The following TOM1 variants were observed in gnomAD, a reference collection of about 807,000 sequenced individuals.
TOM1 encodes the protein target of Myb protein 1.
Under a neutral mutation model 61.3 loss-of-function variants are expected in TOM1, and 38 were observed. The observed-to-expected ratio is 0.62, with a 90% confidence interval of 0.48 to 0.81. The LOEUF (loss-of-function observed/expected upper bound fraction) is 0.81, where lower values mean the gene tolerates loss of function less well. Ranked by LOEUF, TOM1 falls within the 40% of genes least tolerant of loss-of-function variation. TOM1 has a pLI of 0.00. For missense variants in TOM1, 591 were observed against 659.6 expected, an observed-to-expected ratio of 0.90 and a Z score of 1.14; for synonymous variants, 270 against 268.8, an observed-to-expected ratio of 1.00 and a Z score of -0.04.
rs1930604958 is a variant in TOM1, at chr22:35,347,390, T to C, written c.*181T>C. ...GGGGTGTGGAGGCAGTGGGATGAAC[T>C]GGGGGACAGGTCTGCGCTGCAGTGG... On this transcript the variant is annotated 3_prime_UTR_variant, in exon 15 of 15. Transcript: ENST00000449058. The C allele has an allele frequency of 1.7e-6, 1 of 590,278 alleles. No homozygotes were observed. Among genetic ancestry groups the C allele is most frequent in the South Asian group, 2.6e-5 (1 of 38,768 alleles). 36.6% of individuals were successfully genotyped at this position (590,278 alleles called of 1,614,324 possible).
chr22:35,305,730 G>A (rs138759), intron 1 of TOM1, among the ~76,000 whole-genome samples: 77,806 of 151,516 alleles, frequency 0.51, 22,794 homozygotes, highest in Non-Finnish European at 0.65. Flanking sequence ...CCAAGGGCAT[G>A]GTGTGTGGTT....
intron 1 of TOM1, among the ~76,000 whole-genome samples, chr22:35,307,979 G>C (rs968242304): frequency 1.3e-5 from 2 of 152,188 alleles, no homozygotes; most frequent in Non-Finnish European, 2.9e-5. Flanking sequence ...CCCGCGTAAA[G>C]CGTATTGCCC....
At chr22:35,322,108 C>A in intron 3 of TOM1, 71 bp downstream of exon 3, 1 of 1,383,478 alleles carries the variant, frequency 7.2e-7, no homozygotes, top group Non-Finnish European at 1.0e-6. Flanking sequence ...TCAGACCCAG[C>A]AGGACTCCCA....
intron 1 of TOM1, among the ~76,000 whole-genome samples, chr22:35,313,867 C>T (rs73885911): frequency 0.012 from 1,783 of 152,344 alleles, 31 homozygotes; most frequent in African/African-American, 0.041. Context: ...GGGCCCGGTT[C>T]TGTCAGGAGC....
At chr22:35,304,716 G>A (rs1385215489) in intron 1 of TOM1, among the ~76,000 whole-genome samples, 4 of 152,166 alleles carry the variant, frequency 2.6e-5, no homozygotes, top group Non-Finnish European at 5.9e-5. Flanking sequence ...CTGACCTCAT[G>A]AACCACCCAC....
intron 8 of TOM1, among the ~76,000 whole-genome samples, chr22:35,330,784 G>A (rs1387793192): frequency 2.6e-5 from 4 of 152,236 alleles, no homozygotes; most frequent in Non-Finnish European, 5.9e-5. Context: ...CTGGCCTGGT[G>A]TGTCCTCGCC....
chr22:35,322,224 G>A (rs1278465195), intron 3 of TOM1, 187 bp downstream of exon 3: 1 of 590,530 alleles, frequency 1.7e-6, no homozygotes, highest in East Asian at 2.8e-5. Flanking sequence ...ATTTGGAAAG[G>A]TTCTCCCCAA....
At chr22:35,314,149 T>C (rs2145630956) in intron 1 of TOM1, among the ~76,000 whole-genome samples, 1 of 152,360 alleles carries the variant, frequency 6.6e-6, no homozygotes, top group South Asian at 2.1e-4. Flanking sequence ...GCAATCCTGT[T>C]GTCCACACCT....
chr22:35,322,944 C>T (rs1927933442), intron 3 of TOM1, 84 bp from the exon 4 acceptor site: 15 of 1,536,190 alleles, frequency 9.8e-6, no homozygotes, highest in Non-Finnish European at 1.3e-5. Context: ...CTCTCTGGGA[C>T]ACAGGAGGAG....
chr22:35,347,465 G>C lies in TOM1; in HGVS notation c.*256G>C. Reference sequence around the variant, plus strand: ...CCACCCCAGCTGACCATGAGACTTTGCTGAGAAGTGGAGGCCCCAGGACAG... The same window carrying C: ...CCACCCCAGCTGACCATGAGACTTTCCTGAGAAGTGGAGGCCCCAGGACAG... On this transcript the variant is annotated 3_prime_UTR_variant, in exon 15 of 15. Transcript: ENST00000449058. 1 of 398,332 alleles carries C rather than the reference G, an allele frequency of 2.5e-6. No homozygotes were observed. Among genetic ancestry groups the C allele is most frequent in the East Asian group, 4.3e-5 (1 of 23,160 alleles). The allele number at this position is 398,332 out of a possible 1,614,324, so 24.7% of individuals were successfully genotyped here.
intron 8 of TOM1, among the ~76,000 whole-genome samples, chr22:35,332,368 A>C (rs1224181922): frequency 6.6e-6 from 1 of 152,174 alleles, no homozygotes; most frequent in Non-Finnish European, 1.5e-5. Context: ...TTTGGGCTTC[A>C]GCACTTCAGG....
intron 9 of TOM1, 189 bp downstream of exon 9, chr22:35,333,203 C>T: frequency 1.3e-6 from 1 of 791,150 alleles, no homozygotes; most frequent in African/African-American, 1.7e-5. Flanking sequence ...CCACCTGATG[C>T]CCCAGGGTCT....
chr22:35,322,257 C>T (rs1397790512), intron 3 of TOM1: 1 of 556,104 alleles, frequency 1.8e-6, no homozygotes, highest in East Asian at 3.0e-5. Context: ...GGAACAGACG[C>T]TTACATCACT....
At chr22:35,327,032 C>T (rs774801951) in intron 6 of TOM1, among the ~76,000 whole-genome samples, 4 of 152,114 alleles carry the variant, frequency 2.6e-5, no homozygotes, top group Admixed American at 1.3e-4. Context: ...TGGCTCATTC[C>T]GGTGTGGAGA....
intron 12 of TOM1, among the ~76,000 whole-genome samples, chr22:35,341,158 G>A (rs1175076179): frequency 6.6e-6 from 1 of 152,212 alleles, no homozygotes; most frequent in African/African-American, 2.4e-5. Context: ...CTCTCTTAGT[G>A]AGTCATCACA....
intron 1 of TOM1, among the ~76,000 whole-genome samples, chr22:35,301,859 A>G (rs1430176978): frequency 1.3e-5 from 2 of 152,184 alleles, no homozygotes; most frequent in Non-Finnish European, 2.9e-5. Flanking sequence ...GGAGCTGAAA[A>G]GAGAAGGCAG....
At chr22:35,346,847 G>GC in intron 13 of TOM1, 83 bp from the exon 14 acceptor site, 3 of 1,338,086 alleles carry the variant, frequency 2.2e-6, no homozygotes, top group South Asian at 2.5e-5. Context: ...GTTCAGCGGG[G>GC]CCCGAGCTGC....
chr22:35,339,704 A>G (rs1301041209), intron 12 of TOM1, among the ~76,000 whole-genome samples: 2 of 151,926 alleles, frequency 1.3e-5, no homozygotes, highest in African/African-American at 2.4e-5. Context: ...GGAGATCGAG[A>G]CCATCCCGGC....
At chr22:35,338,178 G>A (rs573212615) in intron 11 of TOM1, among the ~76,000 whole-genome samples, 1 of 152,306 alleles carries the variant, frequency 6.6e-6, no homozygotes, top group South Asian at 2.1e-4. Context: ...ATTTAGAAGA[G>A]CTGTAACCAA....
Sources: gnomAD v4.1 joint callset for allele counts (sites outside exome capture counted in the v4.1 genomes callset) on GRCh38, gnomAD v4.1.1 for gene constraint, MANE v1.5 for transcripts, NCBI Gene and HGNC (gene_info 2026-07-23, HGNC 2026-07-21) for gene names.